TMEM268: variants seen among roughly 807,000 people sequenced by gnomAD.
The protein encoded by TMEM268 is transmembrane protein 268.
A neutral mutation model predicts 39.1 loss-of-function variants in TMEM268; 24 were observed. The ratio of observed to expected loss-of-function variants is 0.61; its 90% CI spans 0.44 to 0.86. The LOEUF (loss-of-function observed/expected upper bound fraction) is 0.86, where lower values mean the gene tolerates loss of function less well. Ranked by LOEUF, TMEM268 falls within the 40% of genes least tolerant of loss-of-function variation. The pLI is 0.00. For synonymous variants in TMEM268, 176 were observed against 173.5 expected (o/e 1.01, Z -0.12); for missense variants, 409 against 428.6 (o/e 0.95, Z 0.40).
intron 2 of TMEM268, among the ~76,000 whole-genome samples, chr9:114,620,840 G>A (rs1461527528): frequency 6.6e-6 from 1 of 152,016 alleles, no homozygotes; most frequent in East Asian, 1.9e-4. Context: ...ATGTTAGTGA[G>A]AGGCCGAGCT....
intron 6 of TMEM268, among the ~76,000 whole-genome samples, chr9:114,635,785 C>T (rs1446230605): frequency 6.6e-6 from 1 of 152,120 alleles, no homozygotes; most frequent in South Asian, 2.1e-4. Context: ...TTCAGATTCA[C>T]TGGGGGGTGC....
At chr9:114,623,971 AG>A (rs1846048034) in intron 2 of TMEM268, among the ~76,000 whole-genome samples, 1 of 152,248 alleles carries the variant, frequency 6.6e-6, no homozygotes, top group Non-Finnish European at 1.5e-5. Flanking sequence ...GCTTAAATAA[AG>A]GTCCACTGCA....
chr9:114,637,844 T>C (rs1846710162), intron 7 of TMEM268, among the ~76,000 whole-genome samples: 1 of 152,136 alleles, frequency 6.6e-6, no homozygotes, highest in South Asian at 2.1e-4. Flanking sequence ...GGGCTCCTTC[T>C]CTAGGATTAG....
At chr9:114,623,590 C>G (rs1846032642) in intron 2 of TMEM268, among the ~76,000 whole-genome samples, 1 of 152,186 alleles carries the variant, frequency 6.6e-6, no homozygotes, top group Admixed American at 6.5e-5. Context: ...CTTGGGGCCA[C>G]CCACATTCCC....
At chr9:114,641,128 G>A (rs549722695) in intron 8 of TMEM268, among the ~76,000 whole-genome samples, 5 of 151,850 alleles carry the variant, frequency 3.3e-5, no homozygotes, top group Admixed American at 2.0e-4. Flanking sequence ...CACCTGCCTC[G>A]GCCTCCCAAA....
At chr9:114,618,858 G>A (rs12682849) in intron 2 of TMEM268, among the ~76,000 whole-genome samples, 2,327 of 152,234 alleles carry the variant, frequency 0.015, 78 homozygotes, top group Admixed American at 0.069. Context: ...TCACTAGAGT[G>A]TAAGCTCCCT....
chr9:114,609,499 C>T (rs890458607), upstream of TMEM268, among the ~76,000 whole-genome samples: 1 of 151,402 alleles, frequency 6.6e-6, no homozygotes, highest in East Asian at 2.0e-4. Flanking sequence ...TAAGACCCTG[C>T]ATCTACAAAA....
intron 1 of TMEM268, among the ~76,000 whole-genome samples, chr9:114,614,935 C>T (rs565679198): frequency 1.1e-3 from 159 of 144,990 alleles, no homozygotes; most frequent in African/African-American, 3.9e-3. Flanking sequence ...CTCTCTCTGT[C>T]GCCCAGGCTG....
rs915336842 is a variant in TMEM268 at position 114,644,904 on chromosome 9, C to G, written c.*1591C>G. On this transcript the variant is annotated 3_prime_UTR_variant, in exon 9 of 9. Transcript: ENST00000288502. ...CCCCGCCACCTAGGTTCAAGTGATT[C>G]TCATGCCTCAGCCTCCCAAGTAGCT... The G allele has an allele frequency of 2.0e-5, 3 of 152,172 alleles. No individual in the cohort carries two copies. The allele number at this position is 152,172 out of a possible 1,614,324, so 9.4% of individuals were successfully genotyped here.
intron 8 of TMEM268, among the ~76,000 whole-genome samples, chr9:114,640,834 C>T (rs1846872695): frequency 6.6e-6 from 1 of 151,856 alleles, no homozygotes; most frequent in Non-Finnish European, 1.5e-5. Flanking sequence ...TTGTGGAGCA[C>T]TAGGCACTGG....
In TMEM268 at chr9:114,622,062, A is replaced by G. The variant is rs567358142; in HGVS notation, c.107-2288A>G. The G allele has an allele frequency of 1.1e-4, 104 of 985,198 alleles. No homozygotes were observed. In the African/African-American group the frequency reaches 1.7e-3, roughly 16 times the overall value. 61.0% of individuals were successfully genotyped at this position (985,198 alleles called of 1,614,324 possible). A position where few individuals can be genotyped will look rare whatever the true frequency, so the allele number is the denominator to read the frequency against. ...GGGCCAAGGGAGAGGTGAGGATGCCAGGAGGGCACAGAGTGGACAGATGTT... is the reference window on the plus strand; with the variant it reads ...GGGCCAAGGGAGAGGTGAGGATGCCGGGAGGGCACAGAGTGGACAGATGTT... On this transcript the variant is annotated intron_variant, in intron 2 of 8. Transcript: ENST00000288502.
chr9:114,605,856 G>A, the TMEM268 span, among the ~76,000 whole-genome samples: 35 of 152,104 alleles, frequency 2.3e-4, no homozygotes, highest in African/African-American at 8.4e-4. Context: ...GCTTGAACCT[G>A]GGATGCAGAG....
At chr9:114,635,664 G>A (rs1038469648) in intron 6 of TMEM268, among the ~76,000 whole-genome samples, 9 of 152,210 alleles carry the variant, frequency 5.9e-5, no homozygotes, top group African/African-American at 9.7e-5. Context: ...GGGTGCCAGA[G>A]TGAGACCCTG....
At chr9:114,624,026 C>T in intron 2 of TMEM268, 1 of 231,258 alleles carries the variant, frequency 4.3e-6, no homozygotes, top group Non-Finnish European at 8.6e-6. Context: ...TTAAATATTC[C>T]TTGTGTTGGG....
chr9:114,614,961 A>G (rs965288239), intron 1 of TMEM268, among the ~76,000 whole-genome samples: 4 of 141,404 alleles, frequency 2.8e-5, no homozygotes, highest in Admixed American at 7.6e-5. Flanking sequence ...CAGTGGCGTG[A>G]TCTCGGCTCA....
At chr9:114,622,195 G>A (rs1845973199) in intron 2 of TMEM268, 2 of 985,430 alleles carry the variant, frequency 2.0e-6, no homozygotes, top group Non-Finnish European at 2.4e-6. Flanking sequence ...ATTTGGCTTT[G>A]AAGACTCAAG....
intron 7 of TMEM268, among the ~76,000 whole-genome samples, chr9:114,638,278 G>A (rs1846729670): frequency 6.6e-6 from 1 of 152,234 alleles, no homozygotes. Flanking sequence ...CTAGTCTCAA[G>A]TGATCCCTCT....
intron 4 of TMEM268, 74 bp from the exon 5 acceptor site, chr9:114,628,027 G>A: frequency 6.5e-7 from 1 of 1,536,776 alleles, no homozygotes; most frequent in Middle Eastern, 1.7e-4. Flanking sequence ...TGTCTGAAAG[G>A]TGTCCCTTTG....
rs1827440187 is a variant in TMEM268, at chr9:114,643,326, G to A, written c.*13G>A. On this transcript the variant is annotated 3_prime_UTR_variant, in exon 9 of 9. Coordinates refer to ENST00000288502, the MANE Select transcript of TMEM268 (RefSeq NM_153045.4). The stretch of plus-strand genomic sequence containing the variant: ...CCTGGCGAGGTGACCTAGGGATGAA[G>A]GTACTCATCTTCCTTCAAGACTGAG... The A allele has an allele frequency of 6.2e-7, 1 of 1,613,380 alleles. No homozygotes were observed. Among genetic ancestry groups the A allele is most frequent in the Non-Finnish European group, 8.5e-7 (1 of 1,179,422 alleles).
Sources: allele counts gnomAD v4.1 joint callset (sites outside exome capture counted in the v4.1 genomes callset), GRCh38; gene constraint gnomAD v4.1.1; transcripts MANE v1.5; gene names NCBI Gene and HGNC (gene_info 2026-07-23, HGNC 2026-07-21).